Variants in FHOD3 observed in about 807,000 individuals in gnomAD.
The protein encoded by FHOD3 is FH1/FH2 domain-containing protein 3.
Under a neutral mutation model 173.0 loss-of-function variants are expected in FHOD3, and 90 were observed. That is an observed-to-expected ratio of 0.52 (90% CI 0.44 to 0.62). FHOD3 has a LOEUF of 0.62. FHOD3 is among the 20% of genes least tolerant of loss of function. The probability of loss-of-function intolerance (pLI) is 0.00; values close to 1 mark genes in which losing one functional copy is unlikely to be tolerated. For synonymous variants in FHOD3, 828 were observed against 823.0 expected, an observed-to-expected ratio of 1.01 and a Z score of -0.10; for missense variants, 1,945 against 2,034.7, an observed-to-expected ratio of 0.96 and a Z score of 0.85.
At position 36,413,457 on chromosome 18, in the gene FHOD3, G is replaced by T. The variant is rs540728342; in HGVS notation, c.337+40713G>T. ...GGTTCTTTTTTGGGCTGTGAGCTGA[G>T]GTCAGGCCTGCTGAAGGGAGGAAGA... On this transcript the variant is annotated intron_variant, in intron 3 of 28. Transcript: ENST00000590592. 3.3e-5 allele frequency among the ~76,000 whole-genome samples: 5 copies of T among 152,296 alleles called. No individual in the cohort carries two copies. The South Asian group carries it at 1.0e-3, about 32-fold the overall frequency.
At chr18:36,493,639 C>A (rs986394051) in intron 3 of FHOD3, among the ~76,000 whole-genome samples, 1 of 152,164 alleles carries the variant, frequency 6.6e-6, no homozygotes, top group African/African-American at 2.4e-5. Flanking sequence ...GTTTGAAGAG[C>A]AAATGGCACA....
In FHOD3 at chr18:36,718,184, C is replaced by T. The variant is rs757167600; in HGVS notation, c.2886C>T (p.Asp962=). Residue 962 remains aspartate, a synonymous_variant, in exon 19 of 29, where the codon GAC becomes GAT. Transcript: ENST00000590592. ...GSISPDAEPN[D]KVPETAPVQP... Reference sequence around the variant, plus strand: ...TCTCCCCTGATGCTGAGCCCAATGACAAGGTCCCAGAAACAGCGCCGGTGC... The same window carrying T: ...TCTCCCCTGATGCTGAGCCCAATGATAAGGTCCCAGAAACAGCGCCGGTGC... 1.9e-6 allele frequency: 3 copies of T among 1,613,136 alleles called. No individual in the cohort carries two copies. The highest frequency in any genetic ancestry group is 1.3e-5 in the African/African-American group (1 of 74,902).
chr18:36,685,338 G>A (rs1314164335), intron 15 of FHOD3, among the ~76,000 whole-genome samples: 1 of 152,146 alleles, frequency 6.6e-6, no homozygotes, highest in Non-Finnish European at 1.5e-5. Context: ...TAATTATGGT[G>A]ACTGCAGTTC....
At chr18:36,360,338 G>T (rs1475105066) in intron 2 of FHOD3, among the ~76,000 whole-genome samples, 2 of 152,186 alleles carry the variant, frequency 1.3e-5, no homozygotes, top group Admixed American at 1.3e-4. Context: ...GTAACTTGGG[G>T]CGTTCACCTT....
intron 1 of FHOD3, 97 bp downstream of exon 1, chr18:36,298,097 G>A (rs771148246): frequency 1.0e-4 from 123 of 1,177,008 alleles, no homozygotes; most frequent in Non-Finnish European, 1.3e-4. Context: ...CCCCTGGGCT[G>A]GGCTGGGCGC....
intron 4 of FHOD3, among the ~76,000 whole-genome samples, chr18:36,510,633 T>C (rs2055580056): frequency 6.6e-6 from 1 of 152,220 alleles, no homozygotes. Context: ...GTTACATGCT[T>C]GGAAAAACTT....
rs72891799 is a variant in FHOD3 at position 36,509,130 on chromosome 18, C to T, written c.406-3308C>T. On this transcript the variant is annotated intron_variant, in intron 4 of 28. Transcript: ENST00000590592. Reference sequence around the variant, plus strand: ...GGGCTACTGTACAGGACAAATGACCCGGTTTCTTCAACACACAAATTCCAA... The same window carrying T: ...GGGCTACTGTACAGGACAAATGACCTGGTTTCTTCAACACACAAATTCCAA... 8.3e-3 allele frequency among the ~76,000 whole-genome samples: 1,262 copies of T among 152,186 alleles called. 9 individuals carry two copies. Among genetic ancestry groups the T allele is most frequent in the Middle Eastern group, 0.027 (8 of 294 alleles).
At chr18:36,338,439 G>A (rs1381455202) in intron 1 of FHOD3, among the ~76,000 whole-genome samples, 1 of 152,106 alleles carries the variant, frequency 6.6e-6, no homozygotes, top group Non-Finnish European at 1.5e-5. Context: ...TTAACTATTG[G>A]CAGCTAACCA....
At chr18:36,325,885 G>A (rs1030750221) in intron 1 of FHOD3, among the ~76,000 whole-genome samples, 1 of 152,228 alleles carries the variant, frequency 6.6e-6, no homozygotes, top group Non-Finnish European at 1.5e-5. Flanking sequence ...CAGTGCAGAA[G>A]GCTTCTTTGA....
chr18:36,736,218 C>T (rs1234184096), intron 20 of FHOD3, among the ~76,000 whole-genome samples: 1 of 152,214 alleles, frequency 6.6e-6, no homozygotes, highest in African/African-American at 2.4e-5. Flanking sequence ...TGGTGTCTGG[C>T]AGGGAGTACC....
chr18:36,411,060 G>T (rs1446945848), intron 3 of FHOD3, among the ~76,000 whole-genome samples: 2 of 151,950 alleles, frequency 1.3e-5, no homozygotes, highest in East Asian at 3.9e-4. Context: ...TGTAATTTTA[G>T]TTTTATATCT....
rs5824024 is a variant in FHOD3 at position 36,502,240 on chromosome 18, GT to G, written c.405+255del. 0.35 allele frequency among the ~76,000 whole-genome samples: 50,499 copies of G among 146,086 alleles called. 8,896 individuals carry two copies. The highest frequency in any genetic ancestry group is 0.41 in the Non-Finnish European group (26,972 of 66,346). Reference sequence around the variant, plus strand: ...ACATATTTTTCCATATTTACTTCTAGTTTTTTTTTTTTTTAACTATTATTAT... The same window carrying G: ...ACATATTTTTCCATATTTACTTCTAGTTTTTTTTTTTTTAACTATTATTAT... On this transcript the variant is annotated intron_variant, in intron 4 of 28. Coordinates refer to ENST00000590592, the MANE Select transcript of FHOD3 (RefSeq NM_001281740.3).
intron 3 of FHOD3, among the ~76,000 whole-genome samples, chr18:36,480,874 G>A (rs2053844471): frequency 6.6e-6 from 1 of 152,082 alleles, no homozygotes; most frequent in African/African-American, 2.4e-5. Context: ...TCTCCAAATG[G>A]GGATTCCAGC....
At chr18:36,405,174 A>G (rs1438447641) in intron 3 of FHOD3, among the ~76,000 whole-genome samples, 1 of 152,232 alleles carries the variant, frequency 6.6e-6, no homozygotes, top group African/African-American at 2.4e-5. Context: ...CATGTGGCTG[A>G]AAGTTCAGGG....
rs75717596 is a variant in FHOD3, at chr18:36,575,880, G to A, written c.512-571G>A. Among the ~76,000 whole-genome samples the A allele has an allele frequency of 8.9e-3, 1,351 of 152,296 alleles. 21 individuals are homozygous for A. The highest frequency in any genetic ancestry group is 0.031 in the African/African-American group (1,306 of 41,552). On this transcript the variant is annotated intron_variant, in intron 5 of 28. Coordinates refer to ENST00000590592, the MANE Select transcript of FHOD3 (RefSeq NM_001281740.3). ...AGGATTTGGTATGTGACGAATGTGTGATATCATGTATTTTCATGATACCTG... is the reference window on the plus strand; with the variant it reads ...AGGATTTGGTATGTGACGAATGTGTAATATCATGTATTTTCATGATACCTG...
intron 5 of FHOD3, among the ~76,000 whole-genome samples, chr18:36,529,509 G>A (rs943208509): frequency 2.0e-5 from 3 of 152,090 alleles, no homozygotes; most frequent in African/African-American, 7.2e-5. Context: ...TTATATATAT[G>A]TTTTACAGAT....
At chr18:36,720,762 CCTT>C (rs1600408976) in intron 19 of FHOD3, among the ~76,000 whole-genome samples, 1 of 148,824 alleles carries the variant, frequency 6.7e-6, no homozygotes, top group African/African-American at 2.5e-5. Flanking sequence ...TCCTCCTGCT[CCTT>C]CTCCTCCTCC....
rs147575253 is a variant in FHOD3, at chr18:36,717,751, G to C, written c.2534-81G>C. 234 of 1,489,382 alleles carry C rather than the reference G, an allele frequency of 1.6e-4. 2 individuals are homozygous for C. The African/African-American group carries it at 2.9e-3, about 19-fold the overall frequency. 92.3% of individuals were successfully genotyped at this position (1,489,382 alleles called of 1,614,324 possible). The stretch of plus-strand genomic sequence containing the variant: ...CTCTGAAGTCACTCCCATGTGTCAG[G>C]CTCACTTATTCTCATCGATTCTCTC... On this transcript the variant is annotated intron_variant, in intron 18 of 28. Coordinates refer to ENST00000590592, the MANE Select transcript of FHOD3 (RefSeq NM_001281740.3).
intron 3 of FHOD3, among the ~76,000 whole-genome samples, chr18:36,492,721 T>G (rs1434521608): frequency 6.6e-6 from 1 of 152,228 alleles, no homozygotes; most frequent in African/African-American, 2.4e-5. Context: ...ATTGTTCACG[T>G]GTAGCCTCCT....
Sources: gnomAD v4.1 joint callset for allele counts (sites outside exome capture counted in the v4.1 genomes callset) on GRCh38, gnomAD v4.1.1 for gene constraint, MANE v1.5 for transcripts, NCBI Gene and HGNC (gene_info 2026-07-23, HGNC 2026-07-21) for gene names.